Variants in MOB3B observed in about 807,000 individuals in gnomAD.
The protein encoded by MOB3B is MOB kinase activator-like 2B.
In MOB3B, 7 loss-of-function variants were observed where a neutral mutation model predicts 18.7. The ratio of observed to expected loss-of-function variants is 0.37; its 90% confidence interval spans 0.21 to 0.70. The LOEUF is 0.70. MOB3B is among the 30% of genes least tolerant of loss of function. MOB3B has a pLI of 0.52. For synonymous variants in MOB3B, 111 were observed against 99.9 expected (o/e 1.11, Z -0.66); for missense variants, 253 against 281.3 (o/e 0.90, Z 0.72).
In MOB3B at chr9:27,455,450, G is replaced by A; in HGVS notation, c.101C>T (p.Ala34Val). 1 of 1,614,238 alleles carries A rather than the reference G, an allele frequency of 6.2e-7. No individual in the cohort carries two copies. The highest frequency in any genetic ancestry group is 8.5e-7 in the Non-Finnish European group (1 of 1,180,046). ...GTQRFELHKRAQASLNSGVDL... is the reference protein window; with the variant it reads ...GTQRFELHKRVQASLNSGVDL... ...CACACCCGAGTTGAGGGATGCCTGAGCCCGTTTGTGCAGCTCAAACCTCTG... is the reference window on the plus strand; with the variant it reads ...CACACCCGAGTTGAGGGATGCCTGAACCCGTTTGTGCAGCTCAAACCTCTG... Residue 34 changes from alanine to valine, a missense_variant, in exon 2 of 4, where the codon GCT becomes GTT. Transcript: ENST00000262244.
chr9:27,489,205 C>G (rs1424845745), intron 1 of MOB3B, among the ~76,000 whole-genome samples: 2 of 152,232 alleles, frequency 1.3e-5, no homozygotes, highest in African/African-American at 2.4e-5. Context: ...GTCCGTCTTT[C>G]CCTTTCACTT....
At chr9:27,446,592 C>T (rs1047849322) in intron 2 of MOB3B, among the ~76,000 whole-genome samples, 1 of 152,108 alleles carries the variant, frequency 6.6e-6, no homozygotes, top group African/African-American at 2.4e-5. Flanking sequence ...GACTTTTGAT[C>T]CTTAGTTCTT....
intron 1 of MOB3B, among the ~76,000 whole-genome samples, chr9:27,456,007 T>C (rs1050591304): frequency 6.6e-6 from 1 of 152,218 alleles, no homozygotes; most frequent in Non-Finnish European, 1.5e-5. Flanking sequence ...TGTGTGATCA[T>C]AGGCTTAGTG....
chr9:27,408,012 A>G (rs1257397334), intron 2 of MOB3B, among the ~76,000 whole-genome samples: 1 of 152,162 alleles, frequency 6.6e-6, no homozygotes, highest in Non-Finnish European at 1.5e-5. Flanking sequence ...TTCTATCTCC[A>G]GAGACTGTTT....
At chr9:27,483,203 G>A (rs1304958121) in intron 1 of MOB3B, among the ~76,000 whole-genome samples, 1 of 137,310 alleles carries the variant, frequency 7.3e-6, no homozygotes, top group African/African-American at 2.8e-5. Flanking sequence ...CGCCATCTTG[G>A]CTCACTGCAA....
chr9:27,342,171 G>C (rs1820951873), intron 3 of MOB3B, among the ~76,000 whole-genome samples: 1 of 152,154 alleles, frequency 6.6e-6, no homozygotes, highest in South Asian at 2.1e-4. Flanking sequence ...TTTCAGAAAA[G>C]CTGGCTGACC....
intron 1 of MOB3B, among the ~76,000 whole-genome samples, chr9:27,495,876 C>A (rs1335695600): frequency 6.6e-6 from 1 of 152,152 alleles, no homozygotes; most frequent in Non-Finnish European, 1.5e-5. Flanking sequence ...CTGTAACACA[C>A]AAAAGAAAGA....
rs74178385 is a variant in MOB3B, at chr9:27,403,516, A to ATTTTTTTTT, written c.419-44289_419-44281dup. On this transcript the variant is annotated intron_variant, in intron 2 of 3. Transcript: ENST00000262244. ...TAATGCTTGGTCTGGCTCTTTACTA[A>ATTTTTTTTT]TTTTTTTTTTTTTTTTTTTTTTTTT... is the stretch of plus-strand genomic sequence containing the variant. Among the ~76,000 whole-genome samples, 8 of 79,628 alleles carry ATTTTTTTTT rather than the reference A, an allele frequency of 1.0e-4. 1 individual carries two copies. Among genetic ancestry groups the ATTTTTTTTT allele is most frequent in the Admixed American group, 1.7e-4 (1 of 5,760 alleles). 52.2% of individuals were successfully genotyped at this position (79,628 alleles called of 152,430 possible).
At chr9:27,397,958 A>G (rs1005171577) in intron 2 of MOB3B, among the ~76,000 whole-genome samples, 2 of 152,134 alleles carry the variant, frequency 1.3e-5, no homozygotes, top group Non-Finnish European at 2.9e-5. Flanking sequence ...GATGTCTCCA[A>G]ATCTCTCCCA....
rs1820721541 is a variant in MOB3B at position 27,326,977 on chromosome 9, C to A, written c.*3610G>T. 1 of 162,218 alleles carries A rather than the reference C, an allele frequency of 6.2e-6. No homozygotes were observed. Among genetic ancestry groups the A allele is most frequent in the South Asian group, 2.0e-4 (1 of 4,892 alleles). The allele number at this position is 162,218 out of a possible 1,614,324, so 10.0% of individuals were successfully genotyped here. ...TGCTCTCTATAAATAAACTATGGGTCCAAATGGGAGGTCATTGAAGACGGG... is the reference window on the plus strand; with the variant it reads ...TGCTCTCTATAAATAAACTATGGGTACAAATGGGAGGTCATTGAAGACGGG... On this transcript the variant is annotated 3_prime_UTR_variant, in exon 4 of 4. Coordinates refer to ENST00000262244, the MANE Select transcript of MOB3B (RefSeq NM_024761.5).
intron 2 of MOB3B, among the ~76,000 whole-genome samples, chr9:27,369,221 A>G (rs745397334): frequency 8.5e-5 from 13 of 152,114 alleles, no homozygotes; most frequent in Non-Finnish European, 8.8e-5. Context: ...ATGAGCCCCA[A>G]CCAGAATTTG....
At chr9:27,438,123 TA>T (rs914554319) in intron 2 of MOB3B, among the ~76,000 whole-genome samples, 6 of 152,208 alleles carry the variant, frequency 3.9e-5, no homozygotes, top group Admixed American at 2.0e-4. Flanking sequence ...GCAGTAACAG[TA>T]ACTATAAATA....
intron 2 of MOB3B, among the ~76,000 whole-genome samples, chr9:27,427,443 A>G (rs1822350412): frequency 6.6e-6 from 1 of 152,240 alleles, no homozygotes; most frequent in African/African-American, 2.4e-5. Context: ...CTGCAAGGAC[A>G]AGGAAAAGCT....
intron 1 of MOB3B, among the ~76,000 whole-genome samples, chr9:27,480,302 AT>A (rs371803996): frequency 7.7e-4 from 108 of 140,970 alleles, no homozygotes; most frequent in Middle Eastern, 3.7e-3. Flanking sequence ...ATGCCCAGCT[AT>A]TTTTTTTTTT....
chr9:27,336,520 C>T (rs940033408), intron 3 of MOB3B, among the ~76,000 whole-genome samples: 3 of 152,096 alleles, frequency 2.0e-5, no homozygotes, highest in Non-Finnish European at 4.4e-5. Flanking sequence ...CAGGAGGACC[C>T]TTGGTGCTGG....
At chr9:27,362,621 G>A (rs1200240027) in intron 2 of MOB3B, among the ~76,000 whole-genome samples, 1 of 152,070 alleles carries the variant, frequency 6.6e-6, no homozygotes, top group Non-Finnish European at 1.5e-5. Context: ...GGTTCAAGTT[G>A]AGACATGTTC....
chr9:27,415,719 TA>T (rs911380350), intron 2 of MOB3B, among the ~76,000 whole-genome samples: 2 of 152,188 alleles, frequency 1.3e-5, no homozygotes, highest in Admixed American at 1.3e-4. Flanking sequence ...GAAAAGGTCC[TA>T]GCTAATTTCA....
chr9:27,423,056 G>C (rs1020436462), intron 2 of MOB3B, among the ~76,000 whole-genome samples: 1 of 152,130 alleles, frequency 6.6e-6, no homozygotes, highest in Non-Finnish European at 1.5e-5. Flanking sequence ...TCCACATGGA[G>C]AGCCAGAAAG....
chr9:27,348,995 T>C (rs777208800), intron 3 of MOB3B, among the ~76,000 whole-genome samples: 4 of 152,234 alleles, frequency 2.6e-5, no homozygotes, highest in Admixed American at 6.5e-5. Flanking sequence ...TGAGAGGACA[T>C]GGCCCATTCA....
Sources: gnomAD v4.1 joint callset for allele counts (sites outside exome capture counted in the v4.1 genomes callset) on GRCh38, gnomAD v4.1.1 for gene constraint, MANE v1.5 for transcripts, NCBI Gene and HGNC (gene_info 2026-07-23, HGNC 2026-07-21) for gene names.